TENM3: variants seen among roughly 807,000 people sequenced by gnomAD.
TENM3 encodes teneurin transmembrane protein 3, also known as teneurin-3.
TENM3 carries 63 observed loss-of-function variants against 255.1 expected under a neutral mutation model. The observed-to-expected ratio is 0.25, with a 90% CI of 0.20 to 0.30. TENM3 has a LOEUF of 0.30. TENM3 is among the 10% of genes least tolerant of loss of function. The probability of loss-of-function intolerance (pLI) is 1.00; values close to 1 mark genes in which losing one functional copy is unlikely to be tolerated. For synonymous variants in TENM3, 1,306 were observed against 1,322.3 expected (o/e 0.99, Z 0.27); for missense variants, 2,929 against 3,461.1 (o/e 0.85, Z 3.86).
the TENM3 span, among the ~76,000 whole-genome samples, chr4:181,667,608 A>C: frequency 6.6e-6 from 1 of 152,104 alleles, no homozygotes; most frequent in African/African-American, 2.4e-5. Context: ...TCCCACCCTC[A>C]CTTTCTCTTG....
At chr4:182,777,543 A>ATTTT (rs1561238758) in intron 24 of TENM3, among the ~76,000 whole-genome samples, 16 of 34,896 alleles carry the variant, frequency 4.6e-4, no homozygotes, top group African/African-American at 1.7e-3. Context: ...GTGTGTGTGT[A>ATTTT]TTTCTTTTTT....
chr4:181,516,947 G>GGGATTCCAATCTCTGCAGCC, the TENM3 span, among the ~76,000 whole-genome samples: 1 of 152,096 alleles, frequency 6.6e-6, no homozygotes, highest in African/African-American at 2.4e-5. Context: ...TGACAGAGTA[G>GGGATTCCAATCTCTGCAGCC]GGATTCCAAT....
chr4:182,155,623 A>G (rs992779761), intron 1 of TENM3, among the ~76,000 whole-genome samples: 13 of 152,178 alleles, frequency 8.5e-5, no homozygotes, highest in African/African-American at 2.7e-4. Flanking sequence ...TAAGAAATAA[A>G]TAATACTGCC....
At chr4:182,615,526 G>A (rs1053762078) in intron 4 of TENM3, among the ~76,000 whole-genome samples, 1 of 152,020 alleles carries the variant, frequency 6.6e-6, no homozygotes. Context: ...TAAAGCAAAT[G>A]GAAATGTAGA....
In TENM3 at chr4:182,603,784, T is replaced by TATATATATATATATATATACACAC. The variant is rs58332965; in HGVS notation, c.749+2624_749+2625insTATATATATATATATATACACACA. Among the ~76,000 whole-genome samples, 3 of 134,212 alleles carry TATATATATATATATATATACACAC rather than the reference T, an allele frequency of 2.2e-5. No homozygotes were observed. In the South Asian group the frequency reaches 7.8e-4, roughly 35 times the overall value. The allele number at this position is 134,212 out of a possible 152,430, so 88.0% of individuals were successfully genotyped here. A position where few individuals can be genotyped will look rare whatever the true frequency, so the allele number is the denominator to read the frequency against. Reference sequence around the variant, plus strand: ...AATTATTTATATATATATATATATATACACACACACACCGATTTTGCTAAT... The same window carrying TATATATATATATATATATACACAC: ...AATTATTTATATATATATATATATATATATATATATATATATATACACACACACACACACACCGATTTTGCTAAT... On this transcript the variant is annotated intron_variant, in intron 4 of 27. Transcript: ENST00000511685.
At chr4:182,736,037 A>G (rs1182417370) in intron 16 of TENM3, among the ~76,000 whole-genome samples, 2 of 152,194 alleles carry the variant, frequency 1.3e-5, no homozygotes, top group Non-Finnish European at 1.5e-5. Context: ...ATTTAATAAC[A>G]TATTAGTTGC....
At chr4:181,836,183 G>GCACACACA in the TENM3 span, among the ~76,000 whole-genome samples, 57,316 of 148,668 alleles carry the variant, frequency 0.39, 11,856 homozygotes, top group Admixed American at 0.51. Context: ...ATACACACAT[G>GCACACACA]CACACACACA....
the TENM3 span, among the ~76,000 whole-genome samples, chr4:181,984,627 A>T: frequency 1.3e-5 from 2 of 152,122 alleles, no homozygotes; most frequent in African/African-American, 2.4e-5. Context: ...GCCTAAAGCC[A>T]ACAGGGGCAG....
chr4:182,341,035 G>A (rs1006271036), intron 2 of TENM3, among the ~76,000 whole-genome samples: 1 of 152,118 alleles, frequency 6.6e-6, no homozygotes, highest in African/African-American at 2.4e-5. Context: ...AAAAAGGGAA[G>A]GATTGAAATG....
intron 3 of TENM3, among the ~76,000 whole-genome samples, chr4:182,594,324 A>G (rs1021947147): frequency 2.0e-5 from 3 of 151,972 alleles, no homozygotes; most frequent in African/African-American, 7.3e-5. Flanking sequence ...TTCTGATCGT[A>G]ATTTTTCTAC....
At position 182,738,493 on chromosome 4, in the gene TENM3, A is replaced by G. The variant is rs1579298405; in HGVS notation, c.3328A>G (p.Asn1110Asp). 6.2e-7 allele frequency: 1 copy of G among 1,613,462 alleles called. No homozygotes were observed. Among genetic ancestry groups the G allele is most frequent in the Non-Finnish European group, 8.5e-7 (1 of 1,179,626 alleles). Reference protein sequence around the residue: ...ILQGYELDASNMGGWTLDKHH... With the variant: ...ILQGYELDASDMGGWTLDKHH... Reference sequence around the variant, plus strand: ...GCAGGGCTATGAATTGGATGCGTCCAACATGGGTGGCTGGACATTAGATAA... The same window carrying G: ...GCAGGGCTATGAATTGGATGCGTCCGACATGGGTGGCTGGACATTAGATAA... The change falls in exon 18 of 28, where the codon AAC becomes GAC. Residue 1110 changes from asparagine (N) to aspartate (D), a missense_variant. Physicochemically the swap from Asn to Asp is conservative, Grantham distance 23. Coordinates refer to ENST00000511685, the MANE Select transcript of TENM3 (RefSeq NM_001080477.4).
Position 182,679,667 on chromosome 4 carries a change from A to G in TENM3, c.1328A>G (p.Tyr443Cys), listed in dbSNP as rs1336973597. The G allele has an allele frequency of 6.2e-7, 1 of 1,611,218 alleles. No individual in the cohort carries two copies. The highest frequency in any genetic ancestry group is 1.1e-5 in the South Asian group (1 of 90,994). ...TATTTTTCCTCGTCCTCCCCCCAGTATGACTTCGTGGAGCTCCTGGATGGC... is the reference window on the plus strand; with the variant it reads ...TATTTTTCCTCGTCCTCCCCCCAGTGTGACTTCGTGGAGCTCCTGGATGGC... ...RKGLPPSHTQ[Y>C]DFVELLDGSR... Residue 443 changes from tyrosine to cysteine, a missense_variant and splice_region_variant, in exon 8 of 28, where the codon TAT becomes TGT. Physicochemically the swap from Tyr to Cys is radical, Grantham distance 194. This residue lies in a region of TENM3 where 1,608 missense variants were observed against 1,884.4 expected (regional missense o/e 0.85). Transcript: ENST00000511685.
chr4:182,711,364 A>G (rs568951140), intron 12 of TENM3, among the ~76,000 whole-genome samples: 1 of 152,336 alleles, frequency 6.6e-6, no homozygotes, highest in Non-Finnish European at 1.5e-5. Flanking sequence ...TGAGTTGAAA[A>G]TGCTGAGTAT....
At chr4:182,473,926 C>G (rs1324089139) in intron 3 of TENM3, among the ~76,000 whole-genome samples, 1 of 152,028 alleles carries the variant, frequency 6.6e-6, no homozygotes, top group Non-Finnish European at 1.5e-5. Flanking sequence ...CCACTGCACT[C>G]CAGCCTGGGC....
the TENM3 span, among the ~76,000 whole-genome samples, chr4:181,724,500 G>T: frequency 6.6e-6 from 1 of 151,830 alleles, no homozygotes; most frequent in East Asian, 1.9e-4. Flanking sequence ...AAAGCTCTTT[G>T]TTTTCTAAAG....
At chr4:182,060,529 G>A in the TENM3 span, among the ~76,000 whole-genome samples, 1 of 152,118 alleles carries the variant, frequency 6.6e-6, no homozygotes, top group African/African-American at 2.4e-5. Flanking sequence ...ATACTCACTG[G>A]CCCAACACTC....
the TENM3 span, among the ~76,000 whole-genome samples, chr4:181,592,667 T>G: frequency 1.3e-5 from 2 of 151,240 alleles, no homozygotes; most frequent in African/African-American, 2.4e-5. Flanking sequence ...TCTCTCTTTT[T>G]TTTTTTTTTT....
At chr4:182,577,981 A>ATT (rs1162433007) in intron 3 of TENM3, among the ~76,000 whole-genome samples, 1 of 145,212 alleles carries the variant, frequency 6.9e-6, no homozygotes, top group African/African-American at 2.5e-5. Context: ...ACCCAATTTA[A>ATT]TTTTTTTTTT....
At chr4:181,642,764 C>A in the TENM3 span, among the ~76,000 whole-genome samples, 9 of 152,118 alleles carry the variant, frequency 5.9e-5, no homozygotes, top group African/African-American at 2.2e-4. Flanking sequence ...AATAGGGGAT[C>A]CTTTCCACAT....
Sources: gnomAD v4.1 joint callset for allele counts (sites outside exome capture counted in the v4.1 genomes callset) on GRCh38, gnomAD v4.1.1 for gene constraint, gnomAD v4.1.1 regional missense constraint, MANE v1.5 for transcripts, NCBI Gene and HGNC (gene_info 2026-07-23, HGNC 2026-07-21) for gene names.